DRC11: variants seen among roughly 807,000 people sequenced by gnomAD.
DRC11 encodes the protein IQ and AAA domain-containing protein 1.
the DRC11 span, among the ~76,000 whole-genome samples, chr2:236,499,179 T>C: frequency 1.3e-5 from 2 of 152,194 alleles, no homozygotes; most frequent in African/African-American, 2.4e-5. This position sits in a 1 kb window ranked among gnomAD's most constrained non-coding sequence, Gnocchi z 4.7. Context: ...TGCCATTTTC[T>C]GCCTGGTTGG....
the DRC11 span, among the ~76,000 whole-genome samples, chr2:236,424,157 T>C: frequency 6.6e-6 from 1 of 151,994 alleles, no homozygotes; most frequent in Admixed American, 6.6e-5. Flanking sequence ...CATATGTAAC[T>C]AACCTGCACG....
chr2:236,395,141 AG>A, the DRC11 span, among the ~76,000 whole-genome samples: 1 of 152,086 alleles, frequency 6.6e-6, no homozygotes, highest in Non-Finnish European at 1.5e-5. Flanking sequence ...GGGGGTGGGA[AG>A]GGGGCTCAGA....
chr2:236,416,721 TTATATATATATATATATATATATATATA>T, the DRC11 span, among the ~76,000 whole-genome samples: 481 of 64,254 alleles, frequency 7.5e-3, 15 homozygotes, highest in East Asian at 0.044. Context: ...ATATATATAT[TTATATATATATATATATATATATATATA>T]TATATATATA....
At chr2:236,449,230 A>T in the DRC11 span, among the ~76,000 whole-genome samples, 3 of 152,174 alleles carry the variant, frequency 2.0e-5, no homozygotes, top group Non-Finnish European at 4.4e-5. This position sits in a 1 kb window ranked among gnomAD's most constrained non-coding sequence, Gnocchi z 5.1. Flanking sequence ...ACCTAACCGT[A>T]TGGGTACTGG....
the DRC11 span, among the ~76,000 whole-genome samples, chr2:236,418,822 C>T: frequency 1.1e-4 from 17 of 152,220 alleles, no homozygotes. Context: ...TTTTACTTCT[C>T]TCTACCATTG....
the DRC11 span, among the ~76,000 whole-genome samples, chr2:236,322,844 G>A: frequency 6.6e-6 from 1 of 152,216 alleles, no homozygotes; most frequent in Admixed American, 6.5e-5. Context: ...TTCTTCAGTT[G>A]CACCAGCCAC....
the DRC11 span, among the ~76,000 whole-genome samples, chr2:236,422,065 T>A: frequency 6.6e-6 from 1 of 152,154 alleles, no homozygotes; most frequent in Non-Finnish European, 1.5e-5. Flanking sequence ...TTCAAAATAA[T>A]AAGAGCTATC....
chr2:236,327,122 C>A, the DRC11 span, among the ~76,000 whole-genome samples: 1 of 152,178 alleles, frequency 6.6e-6, no homozygotes. Flanking sequence ...ATCCTCTAAA[C>A]TCAAATACAG....
At chr2:236,413,520 A>C in the DRC11 span, among the ~76,000 whole-genome samples, 1 of 152,224 alleles carries the variant, frequency 6.6e-6, no homozygotes, top group Non-Finnish European at 1.5e-5. This position sits in a 1 kb window ranked among gnomAD's most constrained non-coding sequence, Gnocchi z 4.0. Flanking sequence ...GAAATGTTCT[A>C]AAATAACCTA....
chr2:236,384,142 T>C, the DRC11 span, among the ~76,000 whole-genome samples: 1 of 150,872 alleles, frequency 6.6e-6, no homozygotes, highest in Admixed American at 6.6e-5. Context: ...CATGTGTCTT[T>C]ATAGCAGCAT....
chr2:236,483,303 C>T, the DRC11 span, among the ~76,000 whole-genome samples: 2 of 152,090 alleles, frequency 1.3e-5, no homozygotes, highest in Non-Finnish European at 2.9e-5. This position sits in a 1 kb window ranked among gnomAD's most constrained non-coding sequence, Gnocchi z 4.8. Context: ...ATTGCTGACC[C>T]ATTGGATTCT....
chr2:236,464,523 T>C, the DRC11 span, among the ~76,000 whole-genome samples: 538 of 152,338 alleles, frequency 3.5e-3, no homozygotes, highest in Non-Finnish European at 6.3e-3. Context: ...ATGAATACCT[T>C]TTACAAACCA....
At chr2:236,395,826 A>C in the DRC11 span, among the ~76,000 whole-genome samples, 1 of 152,204 alleles carries the variant, frequency 6.6e-6, no homozygotes, top group Non-Finnish European at 1.5e-5. Context: ...GGGCATTTTA[A>C]ACAAAACAGC....
At chr2:236,479,651 A>C in the DRC11 span, among the ~76,000 whole-genome samples, 1 of 152,090 alleles carries the variant, frequency 6.6e-6, no homozygotes, top group Non-Finnish European at 1.5e-5. This position sits in a 1 kb window ranked among gnomAD's most constrained non-coding sequence, Gnocchi z 4.1. Flanking sequence ...CCACATTTTG[A>C]CTTTTTGTTG....
the DRC11 span, chr2:236,408,620 G>A: frequency 1.4e-6 from 1 of 725,256 alleles, no homozygotes. The surrounding 1 kb of genome is among the most constrained non-coding windows in gnomAD (Gnocchi z 5.5). Flanking sequence ...TCTTCATGCT[G>A]CTGAAGTCCT....
the DRC11 span, among the ~76,000 whole-genome samples, chr2:236,353,571 C>T: frequency 3.3e-5 from 5 of 152,266 alleles, no homozygotes; most frequent in African/African-American, 1.2e-4. This position sits in a 1 kb window ranked among gnomAD's most constrained non-coding sequence, Gnocchi z 5.0. Context: ...TCCTATTTTG[C>T]TTGCCAAGGA....
the DRC11 span, among the ~76,000 whole-genome samples, chr2:236,477,836 C>T: frequency 6.6e-6 from 1 of 151,950 alleles, no homozygotes; most frequent in African/African-American, 2.4e-5. Context: ...GTTTTTTTGT[C>T]ATAGTTTCTA....
chr2:236,382,628 T>C, the DRC11 span, among the ~76,000 whole-genome samples: 3 of 152,252 alleles, frequency 2.0e-5, no homozygotes, highest in Admixed American at 6.5e-5. Flanking sequence ...ACTGGCATTG[T>C]GCAGTTTTAA....
the DRC11 span, among the ~76,000 whole-genome samples, chr2:236,354,008 A>G: frequency 6.6e-6 from 1 of 152,156 alleles, no homozygotes; most frequent in African/African-American, 2.4e-5. Flanking sequence ...CCTCACTGCA[A>G]TTAGCTGGAT....
Sources: gnomAD v4.1 joint callset for allele counts (sites outside exome capture counted in the v4.1 genomes callset) on GRCh38, gnomAD v4.1.1 for gene constraint, Gnocchi (gnomAD v3.1) non-coding constraint, MANE v1.5 for transcripts, NCBI Gene and HGNC (gene_info 2026-07-23, HGNC 2026-07-21) for gene names.